SPAG16: variants seen among roughly 807,000 people sequenced by gnomAD.
SPAG16 encodes the protein sperm associated antigen 16, also known as sperm-associated antigen 16 protein.
SPAG16 carries 86 observed loss-of-function variants against 80.4 expected under a neutral mutation model. The observed-to-expected ratio is 1.07, with a 90% CI of 0.90 to 1.28. The LOEUF (loss-of-function observed/expected upper bound fraction) is 1.28. Among genes scored for constraint, SPAG16 ranks in the 50% most tolerant of loss-of-function variants. The probability of loss-of-function intolerance (pLI) is 0.00; values close to 1 mark genes in which losing one functional copy is unlikely to be tolerated. For synonymous variants in SPAG16, 294 were observed against 265.9 expected (o/e 1.11, Z -1.03); for missense variants, 870 against 765.3 (o/e 1.14, Z -1.61).
At chr2:213,461,423 G>A (rs955979743) in intron 9 of SPAG16, among the ~76,000 whole-genome samples, 1 of 152,080 alleles carries the variant, frequency 6.6e-6, no homozygotes, top group African/African-American at 2.4e-5. Flanking sequence ...GCCATTCGAT[G>A]GTAATACATA....
At chr2:213,681,160 C>A (rs971970157) in intron 10 of SPAG16, among the ~76,000 whole-genome samples, 1 of 152,136 alleles carries the variant, frequency 6.6e-6, no homozygotes, top group African/African-American at 2.4e-5. Context: ...AAAGAGGATT[C>A]TCTATAGGAT....
intron 9 of SPAG16, among the ~76,000 whole-genome samples, chr2:213,471,150 T>A (rs1161866477): frequency 6.6e-6 from 1 of 152,162 alleles, no homozygotes; most frequent in Non-Finnish European, 1.5e-5. Context: ...ACCTGTATAT[T>A]GTGCAGAACC....
intron 10 of SPAG16, among the ~76,000 whole-genome samples, chr2:213,788,873 G>GATA (rs5838391): frequency 0.92 from 139,794 of 151,752 alleles, 65,492 homozygotes; most frequent in East Asian, 1. Context: ...CTTTATGAGT[G>GATA]ATTCTCAAAT....
chr2:213,327,339 G>T (rs1280249724), intron 5 of SPAG16, among the ~76,000 whole-genome samples: 1 of 151,988 alleles, frequency 6.6e-6, no homozygotes, highest in Non-Finnish European at 1.5e-5. Flanking sequence ...GCACCACCAT[G>T]AAATGAATTT....
chr2:213,896,542 G>T (rs1406015012), intron 11 of SPAG16, among the ~76,000 whole-genome samples: 1 of 148,380 alleles, frequency 6.7e-6, no homozygotes, highest in African/African-American at 2.5e-5. Context: ...AGCAACCTAA[G>T]TGTCCATCAA....
chr2:213,806,378 T>A (rs1057426795), intron 10 of SPAG16, among the ~76,000 whole-genome samples: 1 of 152,210 alleles, frequency 6.6e-6, no homozygotes, highest in Non-Finnish European at 1.5e-5. Flanking sequence ...TAATATGTTT[T>A]ACATTATTAG....
chr2:213,839,732 A>G (rs2074275768), intron 10 of SPAG16, among the ~76,000 whole-genome samples: 1 of 152,204 alleles, frequency 6.6e-6, no homozygotes, highest in Non-Finnish European at 1.5e-5. Flanking sequence ...TGCAGCATGC[A>G]TACTACCATG....
At chr2:213,426,197 G>T (rs1416833707) in intron 9 of SPAG16, among the ~76,000 whole-genome samples, 1 of 151,940 alleles carries the variant, frequency 6.6e-6, no homozygotes, top group East Asian at 1.9e-4. Flanking sequence ...ACTAATTCTT[G>T]TCTTGTACAT....
chr2:214,270,583 A>G (rs982629786), intron 15 of SPAG16, among the ~76,000 whole-genome samples: 6 of 152,070 alleles, frequency 3.9e-5, no homozygotes, highest in Admixed American at 2.0e-4. Context: ...CCTTCAGTCA[A>G]CCTATGGCTT....
At chr2:213,393,186 C>T (rs2067855715) in intron 9 of SPAG16, among the ~76,000 whole-genome samples, 1 of 151,456 alleles carries the variant, frequency 6.6e-6, no homozygotes, top group African/African-American at 2.4e-5. Context: ...AAATGCATAA[C>T]TGAGACTGCA....
At chr2:214,398,890 CTA>C (rs1378675046) in intron 15 of SPAG16, among the ~76,000 whole-genome samples, 26 of 152,268 alleles carry the variant, frequency 1.7e-4, no homozygotes, top group African/African-American at 6.0e-4. Flanking sequence ...TTTCATGTCT[CTA>C]TGATTCAATA....
At chr2:213,912,954 T>G (rs1393270114) in intron 11 of SPAG16, among the ~76,000 whole-genome samples, 1 of 152,174 alleles carries the variant, frequency 6.6e-6, no homozygotes, top group Non-Finnish European at 1.5e-5. Flanking sequence ...AGAAATCACC[T>G]ACCTATTTGA....
At chr2:213,718,149 CAAAAAAAAAA>C (rs71063769) in intron 10 of SPAG16, among the ~76,000 whole-genome samples, 3 of 92,250 alleles carry the variant, frequency 3.3e-5, no homozygotes, top group Admixed American at 2.6e-4. Context: ...AACAAGTTTA[CAAAAAAAAAA>C]AAAAAAAAAA....
chr2:214,142,680 A>G (rs766320379), intron 14 of SPAG16, among the ~76,000 whole-genome samples: 1 of 152,124 alleles, frequency 6.6e-6, no homozygotes, highest in African/African-American at 2.4e-5. Flanking sequence ...TGAGTGTGCT[A>G]CTTGGTAAAG....
chr2:214,297,783 C>T, intron 15 of SPAG16, among the ~76,000 whole-genome samples: 1 of 145,450 alleles, frequency 6.9e-6, no homozygotes. Context: ...ATGCCTCCAG[C>T]TTTGTTCTTT....
At chr2:214,355,786 A>T (rs1202417200) in intron 15 of SPAG16, among the ~76,000 whole-genome samples, 6 of 151,960 alleles carry the variant, frequency 3.9e-5, no homozygotes, top group Non-Finnish European at 8.8e-5. Flanking sequence ...ATGTCCAACA[A>T]CAATAGACTG....
intron 10 of SPAG16, among the ~76,000 whole-genome samples, chr2:213,572,383 TC>T (rs2059943339): frequency 8.3e-6 from 1 of 121,200 alleles, no homozygotes; most frequent in Non-Finnish European, 1.7e-5. Flanking sequence ...CTACTTTTGG[TC>T]TTTGATGATG....
At chr2:214,335,549 G>A (rs573850206) in intron 15 of SPAG16, among the ~76,000 whole-genome samples, 1 of 151,210 alleles carries the variant, frequency 6.6e-6, no homozygotes, top group Non-Finnish European at 1.5e-5. Context: ...TTTTAGTGAC[G>A]ATGCTGATGT....
chr2:213,628,749 G>C (rs937840713), intron 10 of SPAG16, among the ~76,000 whole-genome samples: 3 of 152,114 alleles, frequency 2.0e-5, no homozygotes, highest in African/African-American at 7.2e-5. Context: ...TTTGAATTTT[G>C]TTAATATCCA....
Sources: gnomAD v4.1 joint callset for allele counts (sites outside exome capture counted in the v4.1 genomes callset) on GRCh38, gnomAD v4.1.1 for gene constraint, MANE v1.5 for transcripts, NCBI Gene and HGNC (gene_info 2026-07-23, HGNC 2026-07-21) for gene names.